Variants in SMAD1 observed in about 807,000 individuals in gnomAD.
The protein encoded by SMAD1 is SMAD family member 1.
Under a neutral mutation model 41.6 loss-of-function variants are expected in SMAD1, and 6 were observed. The ratio of observed to expected loss-of-function variants is 0.14; its 90% CI spans 0.08 to 0.28. The LOEUF (loss-of-function observed/expected upper bound fraction) is 0.28. SMAD1 is among the 10% of genes least tolerant of loss of function. The pLI is 1.00. For missense variants in SMAD1, 379 were observed against 582.6 expected (o/e 0.65, Z 3.60); for synonymous variants, 206 against 203.2 (o/e 1.01, Z -0.12).
chr4:145,537,536 G>A (rs1257702906), intron 2 of SMAD1, among the ~76,000 whole-genome samples: 1 of 152,110 alleles, frequency 6.6e-6, no homozygotes, highest in Non-Finnish European at 1.5e-5. Context: ...TTTTATAACT[G>A]CCTCAAACTG....
chr4:145,536,292 A>G (rs917777711), intron 2 of SMAD1, among the ~76,000 whole-genome samples: 6 of 152,170 alleles, frequency 3.9e-5, no homozygotes, highest in African/African-American at 1.4e-4. Flanking sequence ...AAGACAGCCA[A>G]ATCCCAGATT....
intron 1 of SMAD1, chr4:145,483,028 C>T (rs1346961022): frequency 2.0e-5 from 3 of 152,084 alleles, no homozygotes; most frequent in Admixed American, 2.0e-4. Flanking sequence ...AAATGCCTGC[C>T]AGATCTCACA....
At chr4:145,493,641 G>C (rs371795701) in intron 1 of SMAD1, among the ~76,000 whole-genome samples, 21 of 152,268 alleles carry the variant, frequency 1.4e-4, no homozygotes, top group African/African-American at 5.1e-4. Flanking sequence ...ATTTGTGTGG[G>C]CTGAGATGTT....
intron 1 of SMAD1, among the ~76,000 whole-genome samples, chr4:145,496,037 G>T (rs1729054659): frequency 6.6e-6 from 1 of 152,036 alleles, no homozygotes; most frequent in Non-Finnish European, 1.5e-5. Context: ...CTTGTTGAAT[G>T]ATAGCTTATA....
chr4:145,530,619 T>A (rs1731267838), intron 2 of SMAD1, among the ~76,000 whole-genome samples: 1 of 152,214 alleles, frequency 6.6e-6, no homozygotes, highest in Admixed American at 6.5e-5. Flanking sequence ...TGTCAAATTA[T>A]GTTCACATCT....
Position 145,522,910 on chromosome 4 carries a change from C to T in SMAD1, c.400+7897C>T, listed in dbSNP as rs544890812. On this transcript the variant is annotated intron_variant, in intron 2 of 6. Transcript: ENST00000302085. ...GCCAGGCTGGTCTCGAACTCCTGACCTTGTGATCTGCCCGCCTCAGCCTCC... is the reference window on the plus strand; with the variant it reads ...GCCAGGCTGGTCTCGAACTCCTGACTTTGTGATCTGCCCGCCTCAGCCTCC... Among the ~76,000 whole-genome samples the T allele has an allele frequency of 2.1e-3, 313 of 152,204 alleles. 1 individual carries two copies. Among genetic ancestry groups the T allele is most frequent in the African/African-American group, 7.3e-3 (304 of 41,544 alleles).
Position 145,514,691 on chromosome 4 carries a change from A to G in SMAD1, c.78A>G (p.Glu26=). The change falls in exon 2 of 7, where the codon GAA becomes GAG. Residue 26 remains glutamate (E), a synonymous_variant. Coordinates refer to ENST00000302085, the MANE Select transcript of SMAD1 (RefSeq NM_005900.3). The surrounding 1 kb of genome is among the most constrained non-coding windows in gnomAD (Gnocchi z 4.7). ...RLLGWKQGDE[E]EKWAEKAVDA... is the part of the protein sequence containing the mutation. The stretch of plus-strand genomic sequence containing the variant: ...TTGGGTGGAAACAGGGCGATGAAGA[A>G]GAAAAATGGGCAGAGAAAGCTGTTG... 1.9e-6 allele frequency: 3 copies of G among 1,614,150 alleles called. No homozygotes were observed. Among genetic ancestry groups the G allele is most frequent in the Non-Finnish European group, 2.5e-6 (3 of 1,180,016 alleles).
At chr4:145,507,132 T>G (rs1729831816) in intron 1 of SMAD1, among the ~76,000 whole-genome samples, 1 of 151,542 alleles carries the variant, frequency 6.6e-6, no homozygotes, top group African/African-American at 2.4e-5. Context: ...GATTTCTAAG[T>G]AGAGTATAGA....
chr4:145,520,013 A>G (rs1305614378), intron 2 of SMAD1, among the ~76,000 whole-genome samples: 1 of 152,216 alleles, frequency 6.6e-6, no homozygotes, highest in Non-Finnish European at 1.5e-5. Flanking sequence ...AATGTTCAAC[A>G]TAAGTAATCA....
chr4:145,540,130 C>T (rs1731839833), intron 3 of SMAD1, 69 bp downstream of exon 3: 2 of 1,567,722 alleles, frequency 1.3e-6, no homozygotes, highest in Admixed American at 3.4e-5. Context: ...CACGGAAAAG[C>T]TGGGTCAACC....
chr4:145,556,182 A>G (rs897761864), intron 6 of SMAD1, among the ~76,000 whole-genome samples: 4 of 152,190 alleles, frequency 2.6e-5, no homozygotes, highest in African/African-American at 7.2e-5. Flanking sequence ...TTTAAATTCT[A>G]TGTCTGAAAA....
chr4:145,532,682 A>T (rs1283057534), intron 2 of SMAD1, among the ~76,000 whole-genome samples: 1 of 152,200 alleles, frequency 6.6e-6, no homozygotes, highest in Non-Finnish European at 1.5e-5. Flanking sequence ...AAGTTACCAA[A>T]CAAGGGTCAC....
chr4:145,554,116 T>A, intron 6 of SMAD1, 76 bp downstream of exon 6: 1 of 1,225,848 alleles, frequency 8.2e-7, no homozygotes, highest in Non-Finnish European at 1.1e-6. Flanking sequence ...TTTGGCGATA[T>A]ATGAATCTAT....
chr4:145,531,478 G>C (rs1731314232), intron 2 of SMAD1, among the ~76,000 whole-genome samples: 2 of 152,076 alleles, frequency 1.3e-5, no homozygotes, highest in Admixed American at 6.5e-5. Context: ...CTTTCTGCTT[G>C]TAGGTGGCCT....
intron 5 of SMAD1, among the ~76,000 whole-genome samples, chr4:145,548,589 C>CA (rs1732385352): frequency 6.6e-6 from 1 of 152,074 alleles, no homozygotes; most frequent in East Asian, 1.9e-4. Context: ...AGTCCATACT[C>CA]ATAATAAATA....
chr4:145,500,722 T>G (rs1436731935), intron 1 of SMAD1, among the ~76,000 whole-genome samples: 1 of 152,202 alleles, frequency 6.6e-6, no homozygotes, highest in Non-Finnish European at 1.5e-5. Context: ...TTACTAGTTT[T>G]TCTCTTTTTG....
At chr4:145,542,521 C>T (rs1045200414) in intron 3 of SMAD1, 61 bp from the exon 4 acceptor site, 23 of 939,484 alleles carry the variant, frequency 2.4e-5, no homozygotes, top group Non-Finnish European at 3.1e-5. Context: ...GAAGAGGATA[C>T]GTGTTTTGAG....
intron 5 of SMAD1, among the ~76,000 whole-genome samples, chr4:145,549,231 A>G (rs1222594327): frequency 6.6e-6 from 1 of 152,242 alleles, no homozygotes; most frequent in East Asian, 1.9e-4. Context: ...TGTAAGGGAC[A>G]TTATTGAGAT....
intron 1 of SMAD1, among the ~76,000 whole-genome samples, chr4:145,496,230 A>G (rs1013215242): frequency 9.2e-5 from 14 of 152,248 alleles, no homozygotes; most frequent in African/African-American, 3.4e-4. Flanking sequence ...TTTTAAAACT[A>G]TAAGCAAATC....
Sources: gnomAD v4.1 joint callset for allele counts (sites outside exome capture counted in the v4.1 genomes callset) on GRCh38, gnomAD v4.1.1 for gene constraint, Gnocchi (gnomAD v3.1) non-coding constraint, MANE v1.5 for transcripts, NCBI Gene and HGNC (gene_info 2026-07-23, HGNC 2026-07-21) for gene names.